Variants in TMEM52B observed in about 807,000 individuals in gnomAD.
The protein encoded by TMEM52B is transmembrane protein 52B.
A neutral mutation model predicts 16.1 loss-of-function variants in TMEM52B; 11 were observed. The ratio of observed to expected loss-of-function variants is 0.68; its 90% CI spans 0.43 to 1.13. TMEM52B has a LOEUF of 1.13. TMEM52B is among the 50% of genes most tolerant of loss of function. The pLI, the probability that TMEM52B is intolerant of heterozygous loss-of-function variation, is 0.00. For synonymous variants in TMEM52B, 101 were observed against 93.8 expected (o/e 1.08, Z -0.45); for missense variants, 243 against 230.4 (o/e 1.05, Z -0.35).
At chr12:10,177,965 G>A (rs915505468), upstream of TMEM52B, among the ~76,000 whole-genome samples, 9 of 149,256 alleles carry the variant, frequency 6.0e-5, no homozygotes, top group Non-Finnish European at 1.3e-4. Flanking sequence ...GTGTGATCTC[G>A]GCTCACTGCA....
At chr12:10,182,496 T>C in intron 1 of TMEM52B, 54 bp from the exon 2 acceptor site, 1 of 1,524,626 alleles carries the variant, frequency 6.6e-7, no homozygotes, top group Non-Finnish European at 8.8e-7. Flanking sequence ...GGTAAGCAGC[T>C]GAACACAGTG....
chr12:10,179,979 C>A (rs1948803893), intron 1 of TMEM52B, among the ~76,000 whole-genome samples: 2 of 152,132 alleles, frequency 1.3e-5, no homozygotes, highest in Admixed American at 1.3e-4. Flanking sequence ...TGTGTAATTC[C>A]CCTAAACGGA....
At chr12:10,182,614 G>A (rs1279056975) in intron 2 of TMEM52B, 21 bp downstream of exon 2, 2 of 1,530,678 alleles carry the variant, frequency 1.3e-6, no homozygotes, top group East Asian at 4.9e-5. Context: ...AGTTCAAGCT[G>A]GGAGGAAGGA....
At position 10,181,995 on chromosome 12, in the gene TMEM52B, C is replaced by T. The variant is rs1948828595; in HGVS notation, c.55-555C>T. 5 of 855,770 alleles carry T rather than the reference C, an allele frequency of 5.8e-6. No individual in the cohort carries two copies. The Admixed American group carries it at 3.6e-4, about 61-fold the overall frequency. The allele number at this position is 855,770 out of a possible 1,614,324, so 53.0% of individuals were successfully genotyped here. A position where few individuals can be genotyped will look rare whatever the true frequency, so the allele number is the denominator to read the frequency against. On this transcript the variant is annotated intron_variant, in intron 1 of 4. Coordinates refer to ENST00000543484, the MANE Select transcript of TMEM52B (RefSeq NM_001384896.1). ...TGAGCCAAGATCACGCCACTGCACTCCAGCCTGGGTGACAGAGCAAGACTC... is the reference window on the plus strand; with the variant it reads ...TGAGCCAAGATCACGCCACTGCACTTCAGCCTGGGTGACAGAGCAAGACTC...
chr12:10,188,519 AG>A, intron 4 of TMEM52B, among the ~76,000 whole-genome samples: 1 of 99,350 alleles, frequency 1.0e-5, no homozygotes, highest in Non-Finnish European at 2.1e-5. Context: ...GAAGGAAGGA[AG>A]GAAGGAAGGA....
At chr12:10,185,858 C>T (rs966868170) in intron 3 of TMEM52B, among the ~76,000 whole-genome samples, 6 of 152,054 alleles carry the variant, frequency 3.9e-5, no homozygotes, top group Non-Finnish European at 7.4e-5. Context: ...CCTGACCAAC[C>T]TGGAGAAACT....
chr12:10,181,792 G>A lies in TMEM52B; in HGVS notation c.55-758G>A, dbSNP rs147073541. ...TAATCCCAACAGCACTTTGGGAGGCGGAGGTGGGTGGGTCACTTGAGGTCA... is the reference window on the plus strand; with the variant it reads ...TAATCCCAACAGCACTTTGGGAGGCAGAGGTGGGTGGGTCACTTGAGGTCA... On this transcript the variant is annotated intron_variant, in intron 1 of 4. Transcript: ENST00000543484. 7.3e-3 allele frequency among the ~76,000 whole-genome samples: 1,105 copies of A among 151,222 alleles called. 11 individuals carry two copies. Among genetic ancestry groups the A allele is most frequent in the African/African-American group, 0.024 (1,006 of 41,208 alleles).
upstream of TMEM52B, chr12:10,175,441 G>T (rs967442729): frequency 7.9e-5 from 12 of 152,062 alleles, no homozygotes; most frequent in African/African-American, 2.9e-4. Flanking sequence ...ATCAAGCAGA[G>T]GACCCAACTA....
chr12:10,177,926 C>A (rs376906201), upstream of TMEM52B, among the ~76,000 whole-genome samples: 1 of 151,372 alleles, frequency 6.6e-6, no homozygotes, highest in Non-Finnish European at 1.5e-5. Context: ...GGCAGATTCT[C>A]GCTCTATCAC....
chr12:10,190,878 T>C lies in TMEM52B; in HGVS notation c.*738T>C, dbSNP rs903923483. 6.6e-6 allele frequency: 1 copy of C among 152,340 alleles called. No homozygotes were observed. The highest frequency in any genetic ancestry group is 2.4e-5 in the African/African-American group (1 of 41,462). 9.4% of individuals were successfully genotyped at this position (152,340 alleles called of 1,614,324 possible). A position where few individuals can be genotyped will look rare whatever the true frequency, so the allele number is the denominator to read the frequency against. ...GCACCCTGTTTTAACTCTAAAGGAATAGTGTTGCTTTACTTCTTTCCTGTT... is the reference window on the plus strand; with the variant it reads ...GCACCCTGTTTTAACTCTAAAGGAACAGTGTTGCTTTACTTCTTTCCTGTT... On this transcript the variant is annotated 3_prime_UTR_variant, in exon 5 of 5. Coordinates refer to ENST00000543484, the MANE Select transcript of TMEM52B (RefSeq NM_001384896.1).
intron 3 of TMEM52B, 50 bp from the exon 4 acceptor site, chr12:10,186,370 G>A (rs1157238856): frequency 2.0e-6 from 3 of 1,516,768 alleles, no homozygotes; most frequent in Non-Finnish European, 1.8e-6. Context: ...AGCAGAGCTG[G>A]GAAAAAAGCC....
At chr12:10,174,727 A>G (rs1948753400), upstream of TMEM52B, among the ~76,000 whole-genome samples, 1 of 152,180 alleles carries the variant, frequency 6.6e-6, no homozygotes, top group African/African-American at 2.4e-5. Context: ...GCACAGACCT[A>G]ATACAAATCC....
chr12:10,176,153 C>G (rs1261332129), upstream of TMEM52B, among the ~76,000 whole-genome samples: 2 of 152,178 alleles, frequency 1.3e-5, no homozygotes, highest in Non-Finnish European at 2.9e-5. Flanking sequence ...AAGTGTACTT[C>G]GTTCAGTCTT....
intron 1 of TMEM52B, among the ~76,000 whole-genome samples, chr12:10,180,270 G>GGTTT (rs1490593518): frequency 1.2e-4 from 14 of 121,176 alleles, no homozygotes; most frequent in African/African-American, 3.9e-4. Context: ...TGGGCTGTAT[G>GGTTT]GTTTGTTTTT....
chr12:10,179,168 C>A lies in TMEM52B; in HGVS notation c.-407C>A. ...AATCTGCCTTTGACCATCCTCAAAG[C>A]CAAGTTTTTCATCGCTGTCTAGAAA... is the stretch of plus-strand genomic sequence containing the variant. On this transcript the variant is annotated 5_prime_UTR_variant, in exon 1 of 5. Coordinates refer to ENST00000543484, the MANE Select transcript of TMEM52B (RefSeq NM_001384896.1). 5.7e-6 allele frequency: 1 copy of A among 176,654 alleles called. No homozygotes were observed. Among genetic ancestry groups the A allele is most frequent in the Non-Finnish European group, 1.2e-5 (1 of 81,140 alleles). The allele number at this position is 176,654 out of a possible 1,614,324, so 10.9% of individuals were successfully genotyped here.
At chr12:10,178,325 G>C (rs1390605781), upstream of TMEM52B, among the ~76,000 whole-genome samples, 1 of 151,890 alleles carries the variant, frequency 6.6e-6, no homozygotes, top group Non-Finnish European at 1.5e-5. Flanking sequence ...GACCATTCTG[G>C]TTAACATGGT....
Position 10,190,124 on chromosome 12 carries a change from T to C in TMEM52B, c.536T>C (p.Val179Ala), listed in dbSNP as rs572676381. The C allele has an allele frequency of 6.2e-6, 10 of 1,614,220 alleles. No homozygotes were observed. In the South Asian group the frequency reaches 9.9e-5, roughly 16 times the overall value. ...ACAGAGAAGGAGTCGACTCGAATAG[T>C]TGACTCTTGGAACTGATGAGAGCTG... Reference protein sequence around the residue: ...PPTEKESTRIVDSWN With the variant: ...PPTEKESTRIADSWN The change falls in exon 5 of 5, where the codon GTT becomes GCT. Residue 179 changes from valine (V) to alanine (A), a missense_variant. By Grantham distance (64) the Val-to-Ala change is moderately conservative. Transcript: ENST00000543484.
chr12:10,182,298 C>G, intron 1 of TMEM52B: 4 of 985,258 alleles, frequency 4.1e-6, no homozygotes, highest in Non-Finnish European at 4.8e-6. Flanking sequence ...ACCTCTCATT[C>G]ACAAAGGGTG....
chr12:10,181,490 G>A (rs578162635), intron 1 of TMEM52B, among the ~76,000 whole-genome samples: 15 of 151,094 alleles, frequency 9.9e-5, no homozygotes, highest in Non-Finnish European at 1.8e-4. Context: ...TCACCACGCC[G>A]GGCTAATTTT....
Sources: gnomAD v4.1 joint callset for allele counts (sites outside exome capture counted in the v4.1 genomes callset) on GRCh38, gnomAD v4.1.1 for gene constraint, MANE v1.5 for transcripts, NCBI Gene and HGNC (gene_info 2026-07-23, HGNC 2026-07-21) for gene names.